HS6ST3: variants seen among roughly 807,000 people sequenced by gnomAD.
HS6ST3 encodes the protein heparan sulfate 6-O-sulfotransferase 3, also known as heparan-sulfate 6-O-sulfotransferase 3.
A neutral mutation model predicts 36.7 loss-of-function variants in HS6ST3; 12 were observed. That is an observed-to-expected ratio of 0.33 (90% CI 0.21 to 0.53). The LOEUF is 0.53. Ranked by LOEUF, HS6ST3 falls within the 20% of genes least tolerant of loss-of-function variation. The pLI is 0.95. For missense variants in HS6ST3, 584 were observed against 640.9 expected (o/e 0.91, Z 0.96); for synonymous variants, 240 against 257.5 (o/e 0.93, Z 0.65).
At chr13:96,817,957 C>A (rs576320185) in intron 1 of HS6ST3, among the ~76,000 whole-genome samples, 1 of 152,250 alleles carries the variant, frequency 6.6e-6, no homozygotes, top group South Asian at 2.1e-4. Flanking sequence ...TAGCCCTAAG[C>A]TACATTTACT....
At chr13:96,496,957 C>T (rs372723511) in intron 1 of HS6ST3, among the ~76,000 whole-genome samples, 15 of 152,048 alleles carry the variant, frequency 9.9e-5, no homozygotes, top group Non-Finnish European at 1.8e-4. Context: ...TGTGCTGCCC[C>T]GGTGGTGGTG....
chr13:96,548,507 T>G (rs1212843043), intron 1 of HS6ST3, among the ~76,000 whole-genome samples: 1 of 152,228 alleles, frequency 6.6e-6, no homozygotes, highest in African/African-American at 2.4e-5. Context: ...CTTTGTGTAT[T>G]AGTCAAGATT....
rs527935111 is a variant in HS6ST3, at chr13:96,356,654, C to T, written c.707+265085C>T. Reference sequence around the variant, plus strand: ...CTGTAAACAGATTTGATGTCATCCACGCTTTTTTGTTCCACTAATAGAGCA... The same window carrying T: ...CTGTAAACAGATTTGATGTCATCCATGCTTTTTTGTTCCACTAATAGAGCA... On this transcript the variant is annotated intron_variant, in intron 1 of 1. Transcript: ENST00000376705. Among the ~76,000 whole-genome samples, 34 of 152,256 alleles carry T rather than the reference C, an allele frequency of 2.2e-4. 1 individual carries two copies. The highest frequency in any genetic ancestry group is 7.0e-4 in the African/African-American group (29 of 41,554).
intron 1 of HS6ST3, among the ~76,000 whole-genome samples, chr13:96,310,570 A>T (rs777407771): frequency 1.1e-4 from 16 of 152,008 alleles, no homozygotes; most frequent in South Asian, 2.1e-4. Flanking sequence ...GAGATTTGAG[A>T]TATGCTCTCT....
intron 1 of HS6ST3, among the ~76,000 whole-genome samples, chr13:96,201,929 G>A (rs2054344036): frequency 6.6e-6 from 1 of 152,120 alleles, no homozygotes; most frequent in Non-Finnish European, 1.5e-5. Context: ...CTGGTTGCTT[G>A]TTTCAAAGGA....
chr13:96,421,501 C>T (rs2055561957), intron 1 of HS6ST3, among the ~76,000 whole-genome samples: 1 of 152,206 alleles, frequency 6.6e-6, no homozygotes, highest in African/African-American at 2.4e-5. Flanking sequence ...TCCTCCTGAG[C>T]ATGGTAGGTA....
At chr13:96,249,037 A>G (rs768919497) in intron 1 of HS6ST3, among the ~76,000 whole-genome samples, 12 of 152,212 alleles carry the variant, frequency 7.9e-5, no homozygotes, top group Non-Finnish European at 1.5e-4. Flanking sequence ...GTCTTCTGAA[A>G]GGTCATTGTC....
chr13:96,308,094 A>G (rs1336633382), intron 1 of HS6ST3, among the ~76,000 whole-genome samples: 2 of 152,286 alleles, frequency 1.3e-5, no homozygotes, highest in East Asian at 1.9e-4. Context: ...TATTAAAATG[A>G]TAGTGCCAGA....
intron 1 of HS6ST3, among the ~76,000 whole-genome samples, chr13:96,388,064 A>G (rs2055377402): frequency 6.6e-6 from 1 of 152,332 alleles, no homozygotes; most frequent in South Asian, 2.1e-4. Flanking sequence ...CTGGAATTCC[A>G]TAGATTCATC....
At chr13:96,321,872 G>C (rs952004329) in intron 1 of HS6ST3, among the ~76,000 whole-genome samples, 4 of 151,994 alleles carry the variant, frequency 2.6e-5, no homozygotes, top group Non-Finnish European at 5.9e-5. Context: ...TCTCAAATGA[G>C]CTTGTACCAT....
Position 96,429,729 on chromosome 13 carries a change from C to T in HS6ST3, c.707+338160C>T, listed in dbSNP as rs370535046. ...GTGGTTTTTAAGCTTAAATTCCTAACCCTCTAAGAATTCAGGTAAAGCAGA... is the reference window on the plus strand; with the variant it reads ...GTGGTTTTTAAGCTTAAATTCCTAATCCTCTAAGAATTCAGGTAAAGCAGA... On this transcript the variant is annotated intron_variant, in intron 1 of 1. Transcript: ENST00000376705. Among the ~76,000 whole-genome samples, 5 of 152,284 alleles carry T rather than the reference C, an allele frequency of 3.3e-5. No homozygotes were observed. The South Asian group carries it at 1.0e-3, about 32-fold the overall frequency.
intron 1 of HS6ST3, among the ~76,000 whole-genome samples, chr13:96,257,967 C>T (rs975762455): frequency 1.3e-5 from 2 of 152,128 alleles, no homozygotes; most frequent in Non-Finnish European, 2.9e-5. Flanking sequence ...TTGAATTTTG[C>T]AGGGATGCCA....
intron 1 of HS6ST3, among the ~76,000 whole-genome samples, chr13:96,149,114 C>G (rs970614382): frequency 6.6e-6 from 1 of 152,266 alleles, no homozygotes; most frequent in African/African-American, 2.4e-5. Context: ...ACAAACTAGA[C>G]TTGGCAGGGA....
chr13:96,442,545 C>G (rs1662518329), intron 1 of HS6ST3, among the ~76,000 whole-genome samples: 1 of 152,098 alleles, frequency 6.6e-6, no homozygotes, highest in Non-Finnish European at 1.5e-5. Context: ...CAGTTATGCA[C>G]TCTTTCTTAG....
intron 1 of HS6ST3, among the ~76,000 whole-genome samples, chr13:96,332,081 T>C (rs2055073348): frequency 6.6e-6 from 1 of 152,196 alleles, no homozygotes. Flanking sequence ...GCCCACTGTC[T>C]GGCACTCCCT....
At chr13:96,421,566 G>A (rs2055562530) in intron 1 of HS6ST3, among the ~76,000 whole-genome samples, 1 of 152,110 alleles carries the variant, frequency 6.6e-6, no homozygotes, top group African/African-American at 2.4e-5. Flanking sequence ...TCACCTGAAT[G>A]TGCCATTTTT....
At chr13:96,694,514 T>C (rs939819350) in intron 1 of HS6ST3, among the ~76,000 whole-genome samples, 6 of 152,162 alleles carry the variant, frequency 3.9e-5, no homozygotes, top group Admixed American at 2.0e-4. Context: ...ATTTATATAT[T>C]TATATAGATA....
chr13:96,829,732 G>T (rs1304726938), intron 1 of HS6ST3, among the ~76,000 whole-genome samples: 1 of 152,068 alleles, frequency 6.6e-6, no homozygotes, highest in East Asian at 1.9e-4. Flanking sequence ...GTCTATCATT[G>T]ATGATGATCA....
intron 1 of HS6ST3, among the ~76,000 whole-genome samples, chr13:96,252,190 A>G (rs1326453601): frequency 6.6e-6 from 1 of 152,168 alleles, no homozygotes; most frequent in African/African-American, 2.4e-5. Context: ...CTGCTTTATA[A>G]TATTTAAGTG....
Sources: gnomAD v4.1 joint callset for allele counts (sites outside exome capture counted in the v4.1 genomes callset) on GRCh38, gnomAD v4.1.1 for gene constraint, MANE v1.5 for transcripts, NCBI Gene and HGNC (gene_info 2026-07-23, HGNC 2026-07-21) for gene names.